Variants in OLFM3 observed in about 807,000 individuals in gnomAD.
OLFM3 encodes noelin-3.
A neutral mutation model predicts 48.6 loss-of-function variants in OLFM3; 20 were observed. The observed-to-expected ratio is 0.41, with a 90% CI of 0.29 to 0.60. The LOEUF is 0.60. OLFM3 is among the 20% of genes least tolerant of loss of function. OLFM3 has a pLI of 0.28. For synonymous variants in OLFM3, 222 were observed against 198.1 expected, an observed-to-expected ratio of 1.12 and a Z score of -1.01; for missense variants, 437 against 544.3, an observed-to-expected ratio of 0.80 and a Z score of 1.96.
intron 4 of OLFM3, among the ~76,000 whole-genome samples, chr1:101,807,988 A>G (rs1202583650): frequency 6.6e-6 from 1 of 151,804 alleles, no homozygotes; most frequent in Non-Finnish European, 1.5e-5. Context: ...ATATTTTCTG[A>G]ATGCAGAATA....
At chr1:101,849,249 A>G (rs1656130992) in intron 1 of OLFM3, among the ~76,000 whole-genome samples, 1 of 152,244 alleles carries the variant, frequency 6.6e-6, no homozygotes, top group South Asian at 2.1e-4. Context: ...AATAGTTTGC[A>G]GTACTCTCAT....
At chr1:101,992,283 A>G (rs1277965578) in intron 1 of OLFM3, among the ~76,000 whole-genome samples, 1 of 152,200 alleles carries the variant, frequency 6.6e-6, no homozygotes, top group Admixed American at 6.5e-5. Flanking sequence ...GATACCATTT[A>G]ACTGTTTCTA....
intron 1 of OLFM3, among the ~76,000 whole-genome samples, chr1:101,865,759 C>T (rs747231031): frequency 9.2e-5 from 14 of 152,278 alleles, no homozygotes; most frequent in South Asian, 2.1e-4. Context: ...ATGCCCACAC[C>T]GGCTCAGAGT....
rs1295795935 is a variant in OLFM3 at position 101,847,801 on chromosome 1, G to T, written c.70-10776C>A. ...CTATTTTCAGTTTGTGAGGAATGAC[G>T]GACTGATATGGAAAGTCTGTATCTT... On this transcript the variant is annotated intron_variant, in intron 1 of 5. Coordinates refer to ENST00000370103, the MANE Select transcript of OLFM3 (RefSeq NM_058170.4). Among the ~76,000 whole-genome samples the T allele has an allele frequency of 2.6e-5, 4 of 152,130 alleles. No individual in the cohort carries two copies. In the East Asian group the frequency reaches 5.8e-4, roughly 22 times the overall value.
At chr1:101,953,619 C>G (rs970368365) in intron 1 of OLFM3, among the ~76,000 whole-genome samples, 1 of 152,142 alleles carries the variant, frequency 6.6e-6, no homozygotes, top group Non-Finnish European at 1.5e-5. Context: ...TATCCAATTA[C>G]CATTAATCCT....
chr1:101,903,168 G>A (rs1389293853), intron 1 of OLFM3, among the ~76,000 whole-genome samples: 1 of 152,048 alleles, frequency 6.6e-6, no homozygotes, highest in East Asian at 1.9e-4. Flanking sequence ...GTTGTCATAT[G>A]TTTTAAATGA....
intron 4 of OLFM3, among the ~76,000 whole-genome samples, chr1:101,807,827 G>T (rs1043507817): frequency 4.0e-5 from 6 of 151,654 alleles, no homozygotes; most frequent in Admixed American, 4.0e-4. Context: ...AAGACTTTAT[G>T]ACATTATCTA....
At chr1:101,838,677 G>A (rs769162) in intron 1 of OLFM3, among the ~76,000 whole-genome samples, 23,076 of 151,684 alleles carry the variant, frequency 0.15, 2,243 homozygotes, top group Non-Finnish European at 0.21. Flanking sequence ...GTTGGATCTC[G>A]CCATGCTGGC....
chr1:101,943,650 T>C (rs1040473761), intron 1 of OLFM3, among the ~76,000 whole-genome samples: 7 of 152,350 alleles, frequency 4.6e-5, no homozygotes, highest in African/African-American at 1.7e-4. Flanking sequence ...TGTTATCTAT[T>C]ATTTTAACTT....
At chr1:101,909,159 G>A (rs187026291) in intron 1 of OLFM3, among the ~76,000 whole-genome samples, 2 of 152,200 alleles carry the variant, frequency 1.3e-5, no homozygotes, top group Admixed American at 1.3e-4. Context: ...CTGCCACTTG[G>A]ACATCTCTGA....
chr1:101,830,521 G>T, intron 3 of OLFM3, 151 bp downstream of exon 3: 1 of 794,106 alleles, frequency 1.3e-6, no homozygotes, highest in Non-Finnish European at 2.1e-6. Flanking sequence ...CTAATGGTCA[G>T]TTTCAGTGGA....
At chr1:101,929,341 T>C (rs1659373322) in intron 1 of OLFM3, among the ~76,000 whole-genome samples, 1 of 152,184 alleles carries the variant, frequency 6.6e-6, no homozygotes, top group South Asian at 2.1e-4. Context: ...CCACTTCTTG[T>C]GTCATACTAA....
intron 1 of OLFM3, among the ~76,000 whole-genome samples, chr1:101,974,373 T>C (rs547470222): frequency 6.6e-6 from 1 of 152,348 alleles, no homozygotes; most frequent in Non-Finnish European, 1.5e-5. Flanking sequence ...TTATTTTTAG[T>C]AGGCTAACTA....
chr1:101,863,202 ACCTGCCTTGGATCCG>A (rs1263111404), intron 1 of OLFM3, among the ~76,000 whole-genome samples: 4 of 152,128 alleles, frequency 2.6e-5, no homozygotes, highest in Admixed American at 6.5e-5. Flanking sequence ...CAAGCGATCC[ACCTGCCTTGGATCCG>A]CCTGCCTTCC....
At chr1:101,955,045 G>A (rs984874322) in intron 1 of OLFM3, among the ~76,000 whole-genome samples, 13 of 152,020 alleles carry the variant, frequency 8.6e-5, no homozygotes, top group African/African-American at 2.9e-4. Flanking sequence ...TTCAGTAGAC[G>A]AAGTATTATG....
intron 3 of OLFM3, among the ~76,000 whole-genome samples, chr1:101,828,022 C>CTCTGTCTGTCTG (rs1557691315): frequency 1.2e-4 from 11 of 91,214 alleles, no homozygotes; most frequent in Non-Finnish European, 1.9e-4. Context: ...CTCTCTCTCT[C>CTCTGTCTGTCTG]TCTCTCTCTC....
At chr1:101,893,372 G>A (rs1658077953) in intron 1 of OLFM3, 2 of 385,810 alleles carry the variant, frequency 5.2e-6, no homozygotes, top group East Asian at 7.2e-5. Context: ...GGAGACCCAG[G>A]GCCATGGGGA....
intron 1 of OLFM3, among the ~76,000 whole-genome samples, chr1:101,852,097 T>C (rs1274553443): frequency 6.6e-6 from 1 of 152,048 alleles, no homozygotes; most frequent in Non-Finnish European, 1.5e-5. Context: ...CTTTAGCAGA[T>C]CATTCCCAGC....
chr1:101,875,480 T>C (rs1284005944), intron 1 of OLFM3, among the ~76,000 whole-genome samples: 1 of 152,010 alleles, frequency 6.6e-6, no homozygotes, highest in Non-Finnish European at 1.5e-5. Context: ...GTCTGTGGAA[T>C]AGAAGGAAGA....
Sources: gnomAD v4.1 joint callset for allele counts (sites outside exome capture counted in the v4.1 genomes callset) on GRCh38, gnomAD v4.1.1 for gene constraint, MANE v1.5 for transcripts, NCBI Gene and HGNC (gene_info 2026-07-23, HGNC 2026-07-21) for gene names.